DHH: variants seen among roughly 807,000 people sequenced by gnomAD.
DHH encodes desert hedgehog signaling molecule, also known as desert hedgehog protein.
In DHH, 16 loss-of-function variants were observed where a neutral mutation model predicts 27.6. The ratio of observed to expected loss-of-function variants is 0.58; its 90% confidence interval spans 0.39 to 0.88. The LOEUF (loss-of-function observed/expected upper bound fraction) is 0.88, where lower values mean the gene tolerates loss of function less well. Among genes scored for constraint, DHH ranks in the 40% least tolerant of loss-of-function variants. DHH has a pLI of 0.00. For synonymous variants in DHH, 289 were observed against 263.4 expected (o/e 1.10, Z -0.94); for missense variants, 436 against 563.1 (o/e 0.77, Z 2.28).
Position 49,086,926 on chromosome 12 carries a change from C to T in DHH, c.*2933G>A, listed in dbSNP as rs956478292. On this transcript the variant is annotated 3_prime_UTR_variant, in exon 3 of 3. Coordinates refer to ENST00000649637, the MANE Select transcript of DHH (RefSeq NM_021044.4). ...GTGGAGTGGTGAGGAAAGAAGTGAT[C>T]GGAAGGCAGCAAAGTCAGTCAGAAG... is the stretch of plus-strand genomic sequence containing the variant. Among the ~76,000 whole-genome samples the T allele has an allele frequency of 1.3e-5, 2 of 152,142 alleles. No homozygotes were observed. Among genetic ancestry groups the T allele is most frequent in the East Asian group, 1.9e-4 (1 of 5,196 alleles).
chr12:49,090,381 G>C lies in DHH; in HGVS notation c.669C>G (p.Asp223Glu). 1.9e-6 allele frequency: 3 copies of C among 1,609,708 alleles called. No individual in the cohort carries two copies. The highest frequency in any genetic ancestry group is 2.5e-6 in the Non-Finnish European group (3 of 1,178,748). Residue 223 changes from aspartate to glutamate, a missense_variant, in exon 3 of 3, where the codon GAC (aspartate) becomes GAG (glutamate). Transcript: ENST00000649637. The surrounding 1 kb of genome is among the most constrained non-coding windows in gnomAD (Gnocchi z 5.2). ...RKGLRELHRG[D>E]WVLAADASGR... ...CTGACGCATCGGCCGCCAAAACCCA[G>C]TCTCCGCGGTGCAGTTCCCGCAGCC...
intron 1 of DHH, among the ~76,000 whole-genome samples, chr12:49,093,906 C>T (rs1046993597): frequency 6.6e-6 from 1 of 152,206 alleles, no homozygotes; most frequent in Non-Finnish European, 1.5e-5. Context: ...CCCCGGTCCA[C>T]GCCTCAGCCA....
rs1939225766 is a variant in DHH at position 49,087,367 on chromosome 12, T to C, written c.*2492A>G. Among the ~76,000 whole-genome samples the C allele has an allele frequency of 6.6e-6, 1 of 152,130 alleles. No individual in the cohort carries two copies. The highest frequency in any genetic ancestry group is 1.5e-5 in the Non-Finnish European group (1 of 68,020). On this transcript the variant is annotated 3_prime_UTR_variant, in exon 3 of 3. Coordinates refer to ENST00000649637, the MANE Select transcript of DHH (RefSeq NM_021044.4). ...TATCTCCCTAGCTAACTTATTACAG[T>C]GCTAGGAATCATCACCATTATGATT...
chr12:49,093,117 C>T (rs1309716609), intron 1 of DHH: 1 of 152,200 alleles, frequency 6.6e-6, no homozygotes, highest in Admixed American at 6.5e-5. Context: ...TAGTCCCAGC[C>T]ATGCCACTTT....
chr12:49,091,040 C>T lies in DHH; in HGVS notation c.565+88G>A. The T allele has an allele frequency of 1.2e-6, 2 of 1,604,640 alleles. No homozygotes were observed. The highest frequency in any genetic ancestry group is 1.7e-6 in the Non-Finnish European group (2 of 1,172,184). On this transcript the variant is annotated intron_variant, in intron 2 of 2. Coordinates refer to ENST00000649637, the MANE Select transcript of DHH (RefSeq NM_021044.4). This position sits in a 1 kb window ranked among gnomAD's most constrained non-coding sequence, Gnocchi z 4.8. ...TCAACACTAAAGCCCGCTTGGTCTC[C>T]CCTAGGGTGGCAACAGTACTACTGC...
chr12:49,091,539 G>T lies in DHH; in HGVS notation c.304-150C>A. 8.2e-7 allele frequency: 1 copy of T among 1,218,928 alleles called. No homozygotes were observed. The highest frequency in any genetic ancestry group is 1.2e-6 in the Non-Finnish European group (1 of 868,418). The allele number at this position is 1,218,928 out of a possible 1,614,324, so 75.5% of individuals were successfully genotyped here. A position where few individuals can be genotyped will look rare whatever the true frequency, so the allele number is the denominator to read the frequency against. ...GGAGAAATGAGAATCTGAGTCGATGGTAGTCACCAATCTGCACTCTGTTCC... is the reference window on the plus strand; with the variant it reads ...GGAGAAATGAGAATCTGAGTCGATGTTAGTCACCAATCTGCACTCTGTTCC... On this transcript the variant is annotated intron_variant, in intron 1 of 2. Transcript: ENST00000649637. This position sits in a 1 kb window ranked among gnomAD's most constrained non-coding sequence, Gnocchi z 4.8.
chr12:49,088,796 G>A lies in DHH; in HGVS notation c.*1063C>T, dbSNP rs1239378216. ...GGAGGGGAGCTCGGGTTGTAATGCT[G>A]ATATGCCCTTGTTTAGGGAATCTAC... On this transcript the variant is annotated 3_prime_UTR_variant, in exon 3 of 3. Transcript: ENST00000649637. Among the ~76,000 whole-genome samples the A allele has an allele frequency of 6.6e-6, 1 of 152,198 alleles. No homozygotes were observed. Among genetic ancestry groups the A allele is most frequent in the East Asian group, 1.9e-4 (1 of 5,200 alleles).
rs1339143336 is a variant in DHH at position 49,091,846 on chromosome 12, G to C, written c.304-457C>G. Among the ~76,000 whole-genome samples, 1 of 152,080 alleles carries C rather than the reference G, an allele frequency of 6.6e-6. No homozygotes were observed. The highest frequency in any genetic ancestry group is 2.1e-4 in the South Asian group (1 of 4,824). On this transcript the variant is annotated intron_variant, in intron 1 of 2. Transcript: ENST00000649637. This position sits in a 1 kb window ranked among gnomAD's most constrained non-coding sequence, Gnocchi z 4.8. ...TTGTTTCATTGCCTTCCCTGGCACC[G>C]GGCATCGCTTCCTTCCTTCCTTCCT...
chr12:49,092,718 C>T (rs1939327528), intron 1 of DHH: 1 of 152,344 alleles, frequency 6.6e-6, no homozygotes, highest in Admixed American at 6.5e-5. Context: ...AGAGCCAACT[C>T]AATGGAGGCC....
chr12:49,089,645 T>C lies in DHH; in HGVS notation c.*214A>G. The C allele has an allele frequency of 2.1e-6, 1 of 481,618 alleles. No individual in the cohort carries two copies. The highest frequency in any genetic ancestry group is 3.6e-6 in the Non-Finnish European group (1 of 281,650). 29.8% of individuals were successfully genotyped at this position (481,618 alleles called of 1,614,324 possible). On this transcript the variant is annotated 3_prime_UTR_variant, in exon 3 of 3. Coordinates refer to ENST00000649637, the MANE Select transcript of DHH (RefSeq NM_021044.4). ...TGGGGGAGAGGCTAAATAGTCCTCT[T>C]TAAGGAGTGCGCACCATCAGCCCTA... is the stretch of plus-strand genomic sequence containing the variant.
Position 49,094,727 on chromosome 12 carries a change from A to G in DHH, c.-215T>C, listed in dbSNP as rs1344027538. The G allele has an allele frequency of 4.0e-5, 25 of 631,536 alleles. No homozygotes were observed. Among genetic ancestry groups the G allele is most frequent in the African/African-American group, 1.6e-4 (9 of 54,926 alleles). 39.1% of individuals were successfully genotyped at this position (631,536 alleles called of 1,614,324 possible). A position where few individuals can be genotyped will look rare whatever the true frequency, so the allele number is the denominator to read the frequency against. On this transcript the variant is annotated 5_prime_UTR_variant, in exon 1 of 3. An upstream start codon of the reference 5' UTR is lost. Coordinates refer to ENST00000649637, the MANE Select transcript of DHH (RefSeq NM_021044.4). ...GTCTAGGACCTGCTACTGACAAACC[A>G]TCATAGCAGGGAAGGGGGGTCGTGG...
rs1279530403 is a variant in DHH, at chr12:49,089,948, C to T, written c.1102G>A (p.Ala368Thr). 2 of 1,580,652 alleles carry T rather than the reference C, an allele frequency of 1.3e-6. No homozygotes were observed. Among genetic ancestry groups the T allele is most frequent in the South Asian group, 2.3e-5 (2 of 86,560 alleles). ...APLRLLHALG[A>T]LLPGGAVQPT... ...TGGACGGCCCCGCCGGGGAGCAGCG[C>T]CCCTAGCGCGTGCAGCAGTCTCAAG... Residue 368 changes from alanine to threonine, a missense_variant, in exon 3 of 3, where the codon GCG (alanine) becomes ACG (threonine). Physicochemically the swap from Ala to Thr is moderately conservative, Grantham distance 58 (BLOSUM62 0). Coordinates refer to ENST00000649637, the MANE Select transcript of DHH (RefSeq NM_021044.4).
intron 1 of DHH, among the ~76,000 whole-genome samples, chr12:49,093,828 G>T (rs530158149): frequency 8.0e-4 from 122 of 152,240 alleles, no homozygotes; most frequent in Non-Finnish European, 1.3e-3. Context: ...CCAGGCTTCT[G>T]TCTGCTACCT....
Position 49,091,356 on chromosome 12 carries a change from C to A in DHH, c.337G>T (p.Ala113Ser), listed in dbSNP as rs1340208949. The A allele has an allele frequency of 1.2e-6, 2 of 1,614,218 alleles. No individual in the cohort carries two copies. The highest frequency in any genetic ancestry group is 4.5e-5 in the East Asian group (2 of 44,882). The change falls in exon 2 of 3, where the codon GCC becomes TCC. Residue 113 changes from alanine to serine, a missense_variant. Coordinates refer to ENST00000649637, the MANE Select transcript of DHH (RefSeq NM_021044.4). This position sits in a 1 kb window ranked among gnomAD's most constrained non-coding sequence, Gnocchi z 4.8. ...CKERVNALAI[A>S]VMNMWPGVRL... ...ACTCCGGGCCACATGTTCATCACGG[C>A]AATGGCCAAAGCGTTCACCCGCTCC...
At chr12:49,093,307 C>T (rs145348542) in intron 1 of DHH, 2 of 152,266 alleles carry the variant, frequency 1.3e-5, no homozygotes, top group Non-Finnish European at 2.9e-5. Flanking sequence ...TGTAATCCAG[C>T]ACTTTGGGAG....
At position 49,094,384 on chromosome 12, in the gene DHH, T is replaced by C; in HGVS notation, c.129A>G (p.Leu43=). 3 of 1,612,538 alleles carry C rather than the reference T, an allele frequency of 1.9e-6. No individual in the cohort carries two copies. The highest frequency in any genetic ancestry group is 2.5e-6 in the Non-Finnish European group (3 of 1,179,756). The change falls in exon 1 of 3, where the codon CTA becomes CTG. Residue 43 remains leucine (L), a synonymous_variant. Transcript: ENST00000649637. The part of the protein sequence containing the change: ...RRYARKQLVP[L]LYKQFVPGVP... ...CGCCGGGCACAAATTGCTTGTAGAG[T>C]AGCGGCACGAGCTGCTTGCGCGCAT...
chr12:49,091,376 C>A lies in DHH; in HGVS notation c.317G>T (p.Arg106Leu), dbSNP rs756697998. ...CACGGCAATGGCCAAAGCGTTCACC[C>A]GCTCCTTACAACGCTGGCGGGGAAT... is the stretch of plus-strand genomic sequence containing the variant. Reference protein sequence around the residue: ...DRLMTERCKERVNALAIAVMN... With the variant: ...DRLMTERCKELVNALAIAVMN... Residue 106 changes from arginine to leucine, a missense_variant, in exon 2 of 3, where the codon CGG becomes CTG. Arg to Leu is a moderately radical substitution (Grantham distance 102). Coordinates refer to ENST00000649637, the MANE Select transcript of DHH (RefSeq NM_021044.4). This position sits in a 1 kb window ranked among gnomAD's most constrained non-coding sequence, Gnocchi z 4.8. 1.2e-6 allele frequency: 2 copies of A among 1,614,154 alleles called. No homozygotes were observed. The highest frequency in any genetic ancestry group is 1.1e-5 in the South Asian group (1 of 91,082).
Position 49,094,640 on chromosome 12 carries a change from G to T in DHH, c.-128C>A. 1 of 1,131,382 alleles carries T rather than the reference G, an allele frequency of 8.8e-7. No individual in the cohort carries two copies. The highest frequency in any genetic ancestry group is 2.7e-4 in the Middle Eastern group (1 of 3,720). 70.1% of individuals were successfully genotyped at this position (1,131,382 alleles called of 1,614,324 possible). On this transcript the variant is annotated 5_prime_UTR_variant, in exon 1 of 3. Transcript: ENST00000649637. Reference sequence around the variant, plus strand: ...GCCCCCAGAGTGCCCTAGAGCTCTTGTGGCTCCGTGCACCTGGCTGCTGCT... The same window carrying T: ...GCCCCCAGAGTGCCCTAGAGCTCTTTTGGCTCCGTGCACCTGGCTGCTGCT...
rs1315674131 is a variant in DHH, at chr12:49,086,795, T to G, written c.*3064A>C. On this transcript the variant is annotated 3_prime_UTR_variant, in exon 3 of 3. Transcript: ENST00000649637. ...GTGAGGGACATGAAGAGTCAACTTCTATATGTAAGGAAGTCTGGACTACTA... is the reference window on the plus strand; with the variant it reads ...GTGAGGGACATGAAGAGTCAACTTCGATATGTAAGGAAGTCTGGACTACTA... 4.6e-5 allele frequency among the ~76,000 whole-genome samples: 7 copies of G among 152,208 alleles called. No homozygotes were observed. The highest frequency in any genetic ancestry group is 1.0e-4 in the Non-Finnish European group (7 of 68,034).
Sources: allele counts gnomAD v4.1 joint callset (sites outside exome capture counted in the v4.1 genomes callset), GRCh38; gene constraint gnomAD v4.1.1; non-coding constraint Gnocchi (gnomAD v3.1); transcripts MANE v1.5; gene names NCBI Gene and HGNC (gene_info 2026-07-23, HGNC 2026-07-21).